Variants in GRK3 observed in about 807,000 individuals in gnomAD.
GRK3 encodes the protein G protein-coupled receptor kinase 3.
GRK3 carries 54 observed loss-of-function variants against 95.7 expected under a neutral mutation model. That is an observed-to-expected ratio of 0.56 (90% CI 0.45 to 0.71). The LOEUF (loss-of-function observed/expected upper bound fraction) is 0.71. GRK3 is among the 30% of genes least tolerant of loss of function. The probability of loss-of-function intolerance (pLI) is 0.00; values close to 1 mark genes in which losing one functional copy is unlikely to be tolerated. For missense variants in GRK3, 649 were observed against 851.2 expected (o/e 0.76, Z 2.96); for synonymous variants, 281 against 290.8 (o/e 0.97, Z 0.34).
intron 1 of GRK3, among the ~76,000 whole-genome samples, chr22:25,599,952 TAA>T (rs2084397760): frequency 6.6e-6 from 1 of 152,178 alleles, no homozygotes; most frequent in Admixed American, 6.5e-5. Flanking sequence ...TGGCAGTTTT[TAA>T]AAAAGTCATA....
chr22:25,597,058 C>A (rs776965112), intron 1 of GRK3, among the ~76,000 whole-genome samples: 2 of 152,144 alleles, frequency 1.3e-5, no homozygotes, highest in African/African-American at 4.8e-5. Context: ...ACTTCCCTGC[C>A]TTTCAGAAAT....
At chr22:25,589,574 T>C (rs532390864) in intron 1 of GRK3, among the ~76,000 whole-genome samples, 1 of 151,920 alleles carries the variant, frequency 6.6e-6, no homozygotes, top group African/African-American at 2.4e-5. Flanking sequence ...TGAGGAGGAG[T>C]ATAAAAGTAA....
At chr22:25,629,270 GT>G (rs1344955473) in intron 2 of GRK3, among the ~76,000 whole-genome samples, 1 of 152,190 alleles carries the variant, frequency 6.6e-6, no homozygotes, top group Non-Finnish European at 1.5e-5. Flanking sequence ...AAAGAGGTTT[GT>G]GAGAAAGGGG....
intron 17 of GRK3, among the ~76,000 whole-genome samples, chr22:25,713,415 C>G (rs534309792): frequency 6.6e-6 from 1 of 152,326 alleles, no homozygotes; most frequent in Non-Finnish European, 1.5e-5. Context: ...ATCAATGAGA[C>G]TGGATGGAGT....
At position 25,670,369 on chromosome 22, in the gene GRK3, T is replaced by C. The variant is rs148611059; in HGVS notation, c.504-1927T>C. 1.8e-3 allele frequency among the ~76,000 whole-genome samples: 268 copies of C among 152,120 alleles called. 2 individuals carry two copies. Among genetic ancestry groups the C allele is most frequent in the African/African-American group, 6.1e-3 (252 of 41,466 alleles). On this transcript the variant is annotated intron_variant, in intron 6 of 20. Transcript: ENST00000324198. ...AAAAACTAATAGCTTAGTGCGGTGGTGTGTGCCTGTAGTCCTAGCCACTTG... is the reference window on the plus strand; with the variant it reads ...AAAAACTAATAGCTTAGTGCGGTGGCGTGTGCCTGTAGTCCTAGCCACTTG...
intron 3 of GRK3, among the ~76,000 whole-genome samples, chr22:25,661,118 G>T (rs2084906302): frequency 6.6e-6 from 1 of 152,146 alleles, no homozygotes; most frequent in Non-Finnish European, 1.5e-5. Flanking sequence ...AAATCTCTTT[G>T]CAGGAATTCT....
At chr22:25,688,904 G>A (rs527431672) in intron 11 of GRK3, among the ~76,000 whole-genome samples, 6 of 152,248 alleles carry the variant, frequency 3.9e-5, no homozygotes, top group Non-Finnish European at 8.8e-5. Context: ...TAGGCGAGAA[G>A]ATTCCAGGAG....
intron 12 of GRK3, 91 bp downstream of exon 12, chr22:25,690,374 G>T (rs2085155934): frequency 1.1e-6 from 1 of 918,320 alleles, no homozygotes; most frequent in Non-Finnish European, 1.7e-6. Flanking sequence ...CTTACCAGTG[G>T]TGATTTTCAA....
At chr22:25,682,792 A>G (rs1049423649) in intron 9 of GRK3, among the ~76,000 whole-genome samples, 2 of 152,258 alleles carry the variant, frequency 1.3e-5, no homozygotes, top group African/African-American at 4.8e-5. Flanking sequence ...AGAGACGGAA[A>G]GTTACCAGTA....
At chr22:25,676,996 C>T (rs1049597107) in intron 8 of GRK3, among the ~76,000 whole-genome samples, 1 of 152,108 alleles carries the variant, frequency 6.6e-6, no homozygotes, top group African/African-American at 2.4e-5. Context: ...TAAACAGAGG[C>T]CCAAGAATGC....
At chr22:25,573,504 T>C (rs2146312351) in intron 1 of GRK3, among the ~76,000 whole-genome samples, 1 of 152,308 alleles carries the variant, frequency 6.6e-6, no homozygotes, top group South Asian at 2.1e-4. Context: ...GACTGCTAAG[T>C]AGGTACTAGG....
At position 25,690,183 on chromosome 22, in the gene GRK3, G is replaced by C; in HGVS notation, c.958-6G>C. On this transcript the variant is annotated splice_region_variant and splice_polypyrimidine_tract_variant and intron_variant, in intron 11 of 20. Coordinates refer to ENST00000324198, the MANE Select transcript of GRK3 (RefSeq NM_005160.4). The stretch of plus-strand genomic sequence containing the variant: ...TCTTATTAAAGATTATTCTCTTTCT[G>C]TTTAGCCAGCAAATATTCTCTTGGA... The C allele has an allele frequency of 6.2e-7, 1 of 1,611,356 alleles. No individual in the cohort carries two copies.
chr22:25,640,240 T>C (rs1171245541), intron 2 of GRK3, among the ~76,000 whole-genome samples: 1 of 152,206 alleles, frequency 6.6e-6, no homozygotes, highest in Non-Finnish European at 1.5e-5. Flanking sequence ...ACATGCATTG[T>C]ATTTTGTTTG....
intron 13 of GRK3, chr22:25,703,062 C>T (rs1286380806): frequency 3.0e-6 from 1 of 338,272 alleles, no homozygotes; most frequent in East Asian, 7.9e-5. Context: ...ATCATTTCAT[C>T]TCCTTCATGT....
intron 18 of GRK3, among the ~76,000 whole-genome samples, 171 bp downstream of exon 18, chr22:25,714,741 AG>A (rs2085370138): frequency 6.6e-6 from 1 of 152,190 alleles, no homozygotes; most frequent in Non-Finnish European, 1.5e-5. Flanking sequence ...AATATTTCAA[AG>A]TCTTCAGGCA....
chr22:25,668,192 G>A (rs6004736), intron 6 of GRK3, among the ~76,000 whole-genome samples: 16,142 of 152,192 alleles, frequency 0.11, 2,752 homozygotes, highest in African/African-American at 0.36. Context: ...TCTTCATGTA[G>A]GAGTAGAATT....
intron 4 of GRK3, 117 bp from the exon 5 acceptor site, chr22:25,663,513 T>C: frequency 3.3e-6 from 2 of 600,392 alleles, no homozygotes; most frequent in South Asian, 2.7e-5. Context: ...GTTAATATAA[T>C]TACCGTAGGT....
intron 5 of GRK3, among the ~76,000 whole-genome samples, chr22:25,666,729 T>A (rs1191970129): frequency 6.6e-6 from 1 of 152,164 alleles, no homozygotes; most frequent in Non-Finnish European, 1.5e-5. Context: ...TGGTTTGTAC[T>A]GTTCCATGAT....
At chr22:25,573,646 C>G (rs934327585) in intron 1 of GRK3, among the ~76,000 whole-genome samples, 1 of 152,262 alleles carries the variant, frequency 6.6e-6, no homozygotes, top group Non-Finnish European at 1.5e-5. Context: ...TGACTGTAAT[C>G]CCAGCACTTT....
Sources: gnomAD v4.1 joint callset for allele counts (sites outside exome capture counted in the v4.1 genomes callset) on GRCh38, gnomAD v4.1.1 for gene constraint, MANE v1.5 for transcripts, NCBI Gene and HGNC (gene_info 2026-07-23, HGNC 2026-07-21) for gene names.